Variants in ADAMTSL2 observed in about 807,000 individuals in gnomAD.
ADAMTSL2 encodes the protein ADAMTS-like protein 2.
A neutral mutation model predicts 117.0 loss-of-function variants in ADAMTSL2; 55 were observed. That is an observed-to-expected ratio of 0.47 (90% CI 0.38 to 0.59). ADAMTSL2 has a LOEUF of 0.59. Among genes scored for constraint, ADAMTSL2 ranks in the 20% least tolerant of loss-of-function variants. ADAMTSL2 has a pLI of 0.00. For missense variants in ADAMTSL2, 1,182 were observed against 1,354.5 expected, an observed-to-expected ratio of 0.87 and a Z score of 2.00; for synonymous variants, 572 against 566.4, an observed-to-expected ratio of 1.01 and a Z score of -0.14.
In ADAMTSL2 at chr9:133,554,506, C is replaced by T. The variant is rs746439642; in HGVS notation, c.1089C>T (p.Phe363=). Residue 363 remains phenylalanine, a synonymous_variant, in exon 10 of 19, where the codon TTC becomes TTT. Coordinates refer to ENST00000651351, the MANE Select transcript of ADAMTSL2 (RefSeq NM_014694.4). The surrounding 1 kb of genome is among the most constrained non-coding windows in gnomAD (Gnocchi z 5.2). ...QGLDGAGLMG[F]VPHNGSLYGQ... is the part of the protein sequence containing the mutation. ...TGGACGGGGCCGGGCTGATGGGCTT[C>T]GTCCCGCACAACGGCTCCCTCTACG... 27 of 1,550,436 alleles carry T rather than the reference C, an allele frequency of 1.7e-5. No homozygotes were observed. The highest frequency in any genetic ancestry group is 1.7e-4 in the Middle Eastern group (1 of 5,990).
chr9:133,574,884 T>C lies in ADAMTSL2; in HGVS notation c.*20T>C. 6.5e-7 allele frequency: 1 copy of C among 1,550,236 alleles called. No homozygotes were observed. Among genetic ancestry groups the C allele is most frequent in the Non-Finnish European group, 8.8e-7 (1 of 1,135,658 alleles). On this transcript the variant is annotated 3_prime_UTR_variant, in exon 19 of 19. Transcript: ENST00000651351. ...TCCTAGGCCCGGCAGCTGCAGCCCCTTCCAGATGAAGACCAAGCGCCCCTC... is the reference window on the plus strand; with the variant it reads ...TCCTAGGCCCGGCAGCTGCAGCCCCCTCCAGATGAAGACCAAGCGCCCCTC...
intron 9 of ADAMTSL2, among the ~76,000 whole-genome samples, chr9:133,547,627 A>G (rs1226563912): frequency 6.6e-6 from 1 of 152,174 alleles, no homozygotes; most frequent in Non-Finnish European, 1.5e-5. Context: ...CCCTTTGGGA[A>G]GTCCACAGGG....
chr9:133,542,467 G>C lies in ADAMTSL2; in HGVS notation c.682+1466G>C, dbSNP rs139768200. On this transcript the variant is annotated intron_variant, in intron 7 of 18. Coordinates refer to ENST00000651351, the MANE Select transcript of ADAMTSL2 (RefSeq NM_014694.4). ...GTGTCTTGTAGGGCACGTAGTGTGT[G>C]CCAGGCACTGTGCACACAGTGAGGC... 2.4e-3 allele frequency among the ~76,000 whole-genome samples: 363 copies of C among 152,290 alleles called. 4 individuals carry two copies. The highest frequency in any genetic ancestry group is 8.1e-3 in the African/African-American group (337 of 41,540).
rs1830722948 is a variant in ADAMTSL2 at position 133,561,313 on chromosome 9, C to T, written c.1747+18C>T. The T allele has an allele frequency of 1.1e-5, 17 of 1,568,140 alleles. No homozygotes were observed. Among genetic ancestry groups the T allele is most frequent in the Non-Finnish European group, 1.5e-5 (17 of 1,154,936 alleles). On this transcript the variant is annotated intron_variant, in intron 12 of 18. Transcript: ENST00000651351. The stretch of plus-strand genomic sequence containing the variant: ...CACCACAGGTACTGGTCACGGGTGC[C>T]AAGGGGCAGCAACTGCCCTGAACCC...
At chr9:133,537,724 C>T (rs964865406) in intron 3 of ADAMTSL2, among the ~76,000 whole-genome samples, 177 bp downstream of exon 3, 10 of 152,224 alleles carry the variant, frequency 6.6e-5, no homozygotes, top group African/African-American at 1.7e-4. Context: ...GGATGGGCCC[C>T]AGCACTGGTG....
rs531502580 is a variant in ADAMTSL2 at position 133,538,204 on chromosome 9, G to A, written c.234-145G>A. 264 of 883,410 alleles carry A rather than the reference G, an allele frequency of 3.0e-4. 2 individuals carry two copies. The highest frequency in any genetic ancestry group is 2.6e-3 in the African/African-American group (157 of 61,092). 54.7% of individuals were successfully genotyped at this position (883,410 alleles called of 1,614,324 possible). On this transcript the variant is annotated intron_variant, in intron 3 of 18. Transcript: ENST00000651351. Reference sequence around the variant, plus strand: ...TCCCCCTTGGCTCTGGTGTGTGTACGGGGTGGGAGTTGAGTAGGGAGGAAG... The same window carrying A: ...TCCCCCTTGGCTCTGGTGTGTGTACAGGGTGGGAGTTGAGTAGGGAGGAAG...
chr9:133,555,590 G>A lies in ADAMTSL2; in HGVS notation c.1309G>A (p.Asp437Asn). 6.2e-7 allele frequency: 1 copy of A among 1,613,202 alleles called. No individual in the cohort carries two copies. The highest frequency in any genetic ancestry group is 1.3e-5 in the African/African-American group (1 of 75,060). The part of the protein sequence containing the change: ...RNVTGTPLTG[D>N]KDDEEVDTHF... ...CGTCACGGGGACTCCTCTCACCGGG[G>A]ACAAGGATGACGAAGAGGTTGACAC... The change falls in exon 11 of 19, where the codon GAC becomes AAC. Residue 437 changes from aspartate to asparagine, a missense_variant. Around this residue, in one of 3 missense-constraint regions of ADAMTSL2, gnomAD observed 345 missense variants for 325.8 expected, o/e 1.06. Coordinates refer to ENST00000651351, the MANE Select transcript of ADAMTSL2 (RefSeq NM_014694.4).
At chr9:133,544,342 C>T (rs975121660) in intron 7 of ADAMTSL2, 128 bp from the exon 8 acceptor site, 14 of 819,096 alleles carry the variant, frequency 1.7e-5, no homozygotes, top group African/African-American at 8.4e-5. Flanking sequence ...GCTACACAAG[C>T]GGGTGTGGGG....
intron 15 of ADAMTSL2, 70 bp downstream of exon 15, chr9:133,568,828 C>T: frequency 1.9e-6 from 3 of 1,598,590 alleles, no homozygotes; most frequent in Non-Finnish European, 2.6e-6. Flanking sequence ...CCTTGATGTG[C>T]CTCAGTTTCC....
At chr9:133,537,230 C>A (rs558718889) in intron 2 of ADAMTSL2, among the ~76,000 whole-genome samples, 175 bp from the exon 3 acceptor site, 1 of 152,198 alleles carries the variant, frequency 6.6e-6, no homozygotes, top group East Asian at 1.9e-4. Context: ...GAGTTCCCCC[C>A]AGCGCCACCC....
upstream of ADAMTSL2, chr9:133,534,417 C>T (rs571860636): frequency 1.0e-3 from 272 of 266,612 alleles, no homozygotes; most frequent in African/African-American, 5.4e-3. Flanking sequence ...CACCGCCAGC[C>T]TCCCCGGTAA....
At position 133,557,700 on chromosome 9, in the gene ADAMTSL2, C is replaced by T. The variant is rs1359001635; in HGVS notation, c.1649+1770C>T. ...ATTCCCTGGTATTCCGTGTGTGAGGCCCACGGTAAGGCCTCCAGTAAGTAG... is the reference window on the plus strand; with the variant it reads ...ATTCCCTGGTATTCCGTGTGTGAGGTCCACGGTAAGGCCTCCAGTAAGTAG... On this transcript the variant is annotated intron_variant, in intron 11 of 18. Transcript: ENST00000651351. This position sits in a 1 kb window ranked among gnomAD's most constrained non-coding sequence, Gnocchi z 5.2. Among the ~76,000 whole-genome samples, 2 of 152,154 alleles carry T rather than the reference C, an allele frequency of 1.3e-5. No homozygotes were observed. Among genetic ancestry groups the T allele is most frequent in the Non-Finnish European group, 2.9e-5 (2 of 68,036 alleles).
At chr9:133,544,330 G>A (rs890074314) in intron 7 of ADAMTSL2, 140 bp from the exon 8 acceptor site, 17 of 786,476 alleles carry the variant, frequency 2.2e-5, no homozygotes, top group Non-Finnish European at 3.0e-5. Context: ...GGGCTGAGCT[G>A]AGCTACACAA....
At chr9:133,569,297 C>A (rs1314992044) in intron 15 of ADAMTSL2, 111 bp from the exon 16 acceptor site, 2 of 1,106,544 alleles carry the variant, frequency 1.8e-6, no homozygotes, top group Non-Finnish European at 1.3e-6. Flanking sequence ...CCATGGCAAC[C>A]GCTTCGACAC....
intron 7 of ADAMTSL2, among the ~76,000 whole-genome samples, chr9:133,543,149 C>T (rs199851986): frequency 2.6e-5 from 4 of 152,194 alleles, no homozygotes; most frequent in East Asian, 3.9e-4. Flanking sequence ...GACAGTGTTT[C>T]ACCATGTTGG....
chr9:133,539,653 A>ACGGCTGTCTGTCC, intron 4 of ADAMTSL2, 118 bp from the exon 5 acceptor site: 1 of 686,568 alleles, frequency 1.5e-6, no homozygotes, highest in South Asian at 1.8e-5. Flanking sequence ...TGGCCCCCGC[A>ACGGCTGTCTGTCC]CGGCTGTCCC....
At position 133,554,458 on chromosome 9, in the gene ADAMTSL2, C is replaced by A; in HGVS notation, c.1041C>A (p.Ser347=). 1 of 1,557,470 alleles carries A rather than the reference C, an allele frequency of 6.4e-7. No homozygotes were observed. The highest frequency in any genetic ancestry group is 8.7e-7 in the Non-Finnish European group (1 of 1,151,042). The change falls in exon 10 of 19, where the codon TCC becomes TCA. Residue 347 remains serine, a synonymous_variant. Coordinates refer to ENST00000651351, the MANE Select transcript of ADAMTSL2 (RefSeq NM_014694.4). The surrounding 1 kb of genome is among the most constrained non-coding windows in gnomAD (Gnocchi z 5.2). The part of the protein sequence containing the change: ...SRPQPIYYGF[S]ESAESQGLDG... Reference sequence around the variant, plus strand: ...CCCAGCCCATCTACTATGGCTTCTCCGAGAGCGCTGAGAGCCAGGGCCTGG... The same window carrying A: ...CCCAGCCCATCTACTATGGCTTCTCAGAGAGCGCTGAGAGCCAGGGCCTGG...
intron 5 of ADAMTSL2, 51 bp downstream of exon 5, chr9:133,539,924 G>A (rs1345531156): frequency 3.3e-6 from 5 of 1,522,546 alleles, no homozygotes; most frequent in African/African-American, 2.8e-5. Context: ...TGAGCTTTGG[G>A]GGTAGCCCTT....
chr9:133,548,377 G>A (rs11523305), intron 9 of ADAMTSL2, among the ~76,000 whole-genome samples: 128,538 of 152,198 alleles, frequency 0.84, 55,058 homozygotes, highest in Non-Finnish European at 0.92. Context: ...CTCTGTGTCT[G>A]TGCTTACCTG....
Sources: gnomAD v4.1 joint callset for allele counts (sites outside exome capture counted in the v4.1 genomes callset) on GRCh38, gnomAD v4.1.1 for gene constraint, gnomAD v4.1.1 regional missense constraint, Gnocchi (gnomAD v3.1) non-coding constraint, MANE v1.5 for transcripts, NCBI Gene and HGNC (gene_info 2026-07-23, HGNC 2026-07-21) for gene names.